Variants in FBXO21 observed in about 807,000 individuals in gnomAD.
The protein encoded by FBXO21 is F-box protein 21, also known as F-box only protein 21.
A neutral mutation model predicts 76.6 loss-of-function variants in FBXO21; 32 were observed. The observed-to-expected ratio is 0.42, with a 90% CI of 0.32 to 0.56. The LOEUF (loss-of-function observed/expected upper bound fraction) is 0.56, where lower values mean the gene tolerates loss of function less well. Among genes scored for constraint, FBXO21 ranks in the 20% least tolerant of loss-of-function variants. The pLI is 0.16. For synonymous variants in FBXO21, 328 were observed against 311.5 expected (o/e 1.05, Z -0.56); for missense variants, 586 against 797.3 (o/e 0.73, Z 3.19).
At chr12:117,159,153 T>C (rs992316978) in intron 9 of FBXO21, among the ~76,000 whole-genome samples, 13 of 152,342 alleles carry the variant, frequency 8.5e-5, no homozygotes, top group Admixed American at 7.8e-4. Flanking sequence ...CATGTTATTA[T>C]CTTGCCTTTC....
At position 117,157,950 on chromosome 12, in the gene FBXO21, G is replaced by A. The variant is rs755647858; in HGVS notation, c.1440C>T (p.Gly480=). 16 of 1,613,996 alleles carry A rather than the reference G, an allele frequency of 9.9e-6. No individual in the cohort carries two copies. The highest frequency in any genetic ancestry group is 4.5e-5 in the East Asian group (2 of 44,890). ...CATCGGAGCGCAGCTTCACCTCTAC[G>A]CCCACCTCCTCCTTTTTGCGCTCAA... ...EHIERKKEEV[G]VEVKLRSDEK... is the part of the protein sequence containing the mutation. Residue 480 remains glycine, a synonymous_variant, in exon 10 of 12, where the codon GGC becomes GGT. Transcript: ENST00000622495.
chr12:117,148,603 C>T (rs1464197880), intron 11 of FBXO21, among the ~76,000 whole-genome samples: 1 of 152,230 alleles, frequency 6.6e-6, no homozygotes, highest in Non-Finnish European at 1.5e-5. Flanking sequence ...GACCCCACAG[C>T]GGTGTCACAG....
Position 117,172,451 on chromosome 12 carries a change from A to C in FBXO21, c.1013+20T>G. ...GGACCAAATCTTCAGGACCACAGATAATGTGTCACGGATGCTCACCCTTCT... is the reference window on the plus strand; with the variant it reads ...GGACCAAATCTTCAGGACCACAGATCATGTGTCACGGATGCTCACCCTTCT... On this transcript the variant is annotated intron_variant, in intron 7 of 11. Transcript: ENST00000622495. The C allele has an allele frequency of 1.9e-6, 3 of 1,607,074 alleles. No homozygotes were observed. Among genetic ancestry groups the C allele is most frequent in the Non-Finnish European group, 2.6e-6 (3 of 1,175,220 alleles).
At chr12:117,151,781 G>A (rs931485334) in intron 11 of FBXO21, among the ~76,000 whole-genome samples, 3 of 152,074 alleles carry the variant, frequency 2.0e-5, no homozygotes, top group South Asian at 2.1e-4. Flanking sequence ...GGAAGAAGGC[G>A]GCTCTTGTTC....
Position 117,167,011 on chromosome 12 carries a change from C to T in FBXO21, c.1080G>A (p.Val360=). The T allele has an allele frequency of 6.2e-7, 1 of 1,614,110 alleles. No individual in the cohort carries two copies. The highest frequency in any genetic ancestry group is 1.3e-5 in the African/African-American group (1 of 75,036). The part of the protein sequence containing the change: ...DAFGKGKQLT[V]KECEYLIGQH... Reference sequence around the variant, plus strand: ...GGCCGATCAAGTACTCGCATTCTTTCACTGTCAGCTGCTTGCCTTTCCCAA... The same window carrying T: ...GGCCGATCAAGTACTCGCATTCTTTTACTGTCAGCTGCTTGCCTTTCCCAA... Residue 360 remains valine, a synonymous_variant, in exon 8 of 12, where the codon GTG becomes GTA. Coordinates refer to ENST00000622495, the MANE Select transcript of FBXO21 (RefSeq NM_015002.3).
At chr12:117,190,125 G>T in intron 1 of FBXO21, 93 bp downstream of exon 1, 2 of 635,120 alleles carry the variant, frequency 3.1e-6, no homozygotes, top group Non-Finnish European at 3.9e-6. Flanking sequence ...GTCCGCGCGC[G>T]GGGCGGCCGC....
chr12:117,186,902 A>G (rs1246771857), intron 2 of FBXO21, among the ~76,000 whole-genome samples: 1 of 152,204 alleles, frequency 6.6e-6, no homozygotes, highest in Admixed American at 6.5e-5. Flanking sequence ...CAAGGCAGGC[A>G]GATAACCTGA....
chr12:117,188,373 C>G (rs1371042937), intron 2 of FBXO21, among the ~76,000 whole-genome samples: 1 of 152,014 alleles, frequency 6.6e-6, no homozygotes, highest in African/African-American at 2.4e-5. Context: ...GGTGAAACCC[C>G]AACTCTACTA....
intron 3 of FBXO21, among the ~76,000 whole-genome samples, chr12:117,178,591 G>A (rs993128011): frequency 2.6e-5 from 4 of 151,864 alleles, no homozygotes; most frequent in Admixed American, 2.0e-4. Flanking sequence ...CCCAATTCCT[G>A]CCACTCCCCC....
chr12:117,190,079 T>G (rs1956328991), intron 1 of FBXO21, 139 bp downstream of exon 1: 8 of 275,542 alleles, frequency 2.9e-5, no homozygotes, highest in Admixed American at 6.5e-5. Flanking sequence ...CTGGAGGCCT[T>G]TGTCTGTCTG....
chr12:117,180,935 A>G (rs1424568015), intron 3 of FBXO21, among the ~76,000 whole-genome samples: 2 of 152,180 alleles, frequency 1.3e-5, no homozygotes, highest in Non-Finnish European at 2.9e-5. Context: ...TACTGAAAAC[A>G]GCTAAATATT....
chr12:117,147,444 C>T (rs939627022), intron 11 of FBXO21, among the ~76,000 whole-genome samples: 3 of 150,656 alleles, frequency 2.0e-5, no homozygotes, highest in Non-Finnish European at 4.4e-5. Context: ...ACTGAAAATA[C>T]AAAAATTAGC....
intron 7 of FBXO21, among the ~76,000 whole-genome samples, chr12:117,169,933 T>C (rs1271062646): frequency 1.3e-5 from 2 of 152,038 alleles, no homozygotes; most frequent in South Asian, 2.1e-4. Context: ...GAAACAAATA[T>C]ATATAGTTAC....
At chr12:117,151,928 C>T (rs901500764) in intron 11 of FBXO21, among the ~76,000 whole-genome samples, 30 of 152,182 alleles carry the variant, frequency 2.0e-4, no homozygotes, top group Admixed American at 3.9e-4. Context: ...TTACAGGATG[C>T]TACAGAGTGA....
chr12:117,161,548 G>A (rs1394023382), intron 9 of FBXO21, among the ~76,000 whole-genome samples: 1 of 152,174 alleles, frequency 6.6e-6, no homozygotes, highest in Non-Finnish European at 1.5e-5. Flanking sequence ...AGAGTCCAGA[G>A]AGGGAGGACA....
At chr12:117,172,003 T>G (rs1956122767) in intron 7 of FBXO21, among the ~76,000 whole-genome samples, 1 of 152,146 alleles carries the variant, frequency 6.6e-6, no homozygotes, top group African/African-American at 2.4e-5. Flanking sequence ...CTCCCCTGCT[T>G]TCTTTCCCTC....
At chr12:117,155,703 C>A in intron 11 of FBXO21, 88 bp downstream of exon 11, 2 of 1,408,676 alleles carry the variant, frequency 1.4e-6, no homozygotes, top group South Asian at 1.3e-5. Flanking sequence ...AACCGATGGC[C>A]CACGCCCACA....
At chr12:117,177,181 T>C (rs1439387898) in intron 4 of FBXO21, among the ~76,000 whole-genome samples, 1 of 152,194 alleles carries the variant, frequency 6.6e-6, no homozygotes, top group Non-Finnish European at 1.5e-5. Context: ...GGAGACAAAA[T>C]TGGATACATT....
intron 10 of FBXO21, among the ~76,000 whole-genome samples, chr12:117,156,921 C>A (rs549502230): frequency 1.3e-5 from 2 of 152,088 alleles, no homozygotes; most frequent in Non-Finnish European, 2.9e-5. Context: ...TGGTGGCTCA[C>A]GCCTGTAATC....
Sources: allele counts gnomAD v4.1 joint callset (sites outside exome capture counted in the v4.1 genomes callset), GRCh38; gene constraint gnomAD v4.1.1; transcripts MANE v1.5; gene names NCBI Gene and HGNC (gene_info 2026-07-23, HGNC 2026-07-21).